ELAVL4: variants seen among roughly 807,000 people sequenced by gnomAD.
ELAVL4 encodes ELAV like RNA binding protein 4, also known as ELAV-like protein 4.
Under a neutral mutation model 35.6 loss-of-function variants are expected in ELAVL4, and 1 was observed. The observed-to-expected ratio is 0.03, with a 90% confidence interval of 0.01 to 0.13. The LOEUF is 0.13. ELAVL4 is among the 10% of genes least tolerant of loss of function. The probability of loss-of-function intolerance (pLI) is 1.00; values close to 1 mark genes in which losing one functional copy is unlikely to be tolerated. For missense variants in ELAVL4, 267 were observed against 464.9 expected (o/e 0.57, Z 3.91); for synonymous variants, 156 against 171.0 (o/e 0.91, Z 0.69).
intron 1 of ELAVL4, among the ~76,000 whole-genome samples, chr1:50,117,408 G>A (rs767519345): frequency 2.0e-5 from 3 of 152,084 alleles, no homozygotes; most frequent in Non-Finnish European, 4.4e-5. Context: ...GGAACATCAC[G>A]GTGTGCCTGT....
At chr1:50,094,509 A>G (rs1359295825) in intron 1 of ELAVL4, among the ~76,000 whole-genome samples, 2 of 152,212 alleles carry the variant, frequency 1.3e-5, no homozygotes, top group Non-Finnish European at 2.9e-5. Flanking sequence ...CAGGATCAAG[A>G]TACCAGCTTT....
At chr1:50,196,805 C>T (rs191439166) in intron 5 of ELAVL4, among the ~76,000 whole-genome samples, 1 of 152,232 alleles carries the variant, frequency 6.6e-6, no homozygotes, top group East Asian at 1.9e-4. Context: ...TTACTACTGC[C>T]CTATGGTGTG....
chr1:50,155,712 A>G (rs1675611225), intron 2 of ELAVL4, among the ~76,000 whole-genome samples: 1 of 152,142 alleles, frequency 6.6e-6, no homozygotes, highest in African/African-American at 2.4e-5. Flanking sequence ...CTGGACATGC[A>G]GGAACTTCAG....
chr1:50,200,208 G>A (rs146873835), intron 6 of ELAVL4, among the ~76,000 whole-genome samples: 4 of 151,998 alleles, frequency 2.6e-5, no homozygotes, highest in Non-Finnish European at 5.9e-5. Flanking sequence ...TCATTGTCAC[G>A]TATCTCCATC....
upstream of ELAVL4, chr1:50,106,493 T>G (rs1572188316): frequency 1.1e-6 from 1 of 896,612 alleles, no homozygotes; most frequent in Admixed American, 2.3e-5. Flanking sequence ...TCTGTGGTGG[T>G]GGATTGTGGC....
intron 1 of ELAVL4, among the ~76,000 whole-genome samples, chr1:50,068,212 G>A (rs1664355818): frequency 6.6e-6 from 1 of 152,150 alleles, no homozygotes; most frequent in Admixed American, 6.6e-5. Context: ...TGTAGAGATA[G>A]GGGTGGCAAA....
chr1:50,090,007 G>A (rs925615624), intron 1 of ELAVL4, among the ~76,000 whole-genome samples: 1 of 152,120 alleles, frequency 6.6e-6, no homozygotes, highest in African/African-American at 2.4e-5. Flanking sequence ...GTCCCAACAT[G>A]TAAAGTATAG....
intron 1 of ELAVL4, among the ~76,000 whole-genome samples, chr1:50,050,138 C>T (rs1024269609): frequency 6.6e-6 from 1 of 152,160 alleles, no homozygotes; most frequent in Admixed American, 6.5e-5. Context: ...CCACTTTTTT[C>T]GCCATAGATA....
chr1:50,187,894 G>A (rs1039977619), intron 3 of ELAVL4, among the ~76,000 whole-genome samples: 2 of 152,146 alleles, frequency 1.3e-5, no homozygotes, highest in African/African-American at 4.8e-5. Flanking sequence ...TCAGGAGTTC[G>A]AGACCAACCT....
At chr1:50,152,145 G>T (rs138582593) in intron 2 of ELAVL4, among the ~76,000 whole-genome samples, 1 of 152,190 alleles carries the variant, frequency 6.6e-6, no homozygotes, top group African/African-American at 2.4e-5. Context: ...TCTGTAGTCA[G>T]GATTACAGAC....
At chr1:50,171,990 C>T (rs1679091057) in intron 2 of ELAVL4, among the ~76,000 whole-genome samples, 1 of 152,232 alleles carries the variant, frequency 6.6e-6, no homozygotes, top group African/African-American at 2.4e-5. Flanking sequence ...CCTTACTCAA[C>T]TCAGAAGTTT....
At chr1:50,117,848 C>T (rs922670258) in intron 1 of ELAVL4, among the ~76,000 whole-genome samples, 9 of 152,076 alleles carry the variant, frequency 5.9e-5, no homozygotes, top group African/African-American at 2.2e-4. Flanking sequence ...AAGGGTGGCA[C>T]ACAGTGTTGT....
intron 3 of ELAVL4, among the ~76,000 whole-genome samples, chr1:50,190,010 T>C (rs1015099975): frequency 1.3e-5 from 2 of 152,198 alleles, no homozygotes; most frequent in African/African-American, 4.8e-5. Context: ...AGATCTTCCA[T>C]AGAGATCATC....
intron 1 of ELAVL4, among the ~76,000 whole-genome samples, chr1:50,066,570 A>T (rs760339482): frequency 2.0e-5 from 3 of 152,204 alleles, no homozygotes; most frequent in Non-Finnish European, 2.9e-5. Context: ...GCACGTCCAG[A>T]TGCATAACCA....
At chr1:50,190,275 A>G (rs1240681543) in intron 3 of ELAVL4, among the ~76,000 whole-genome samples, 6 of 152,220 alleles carry the variant, frequency 3.9e-5, no homozygotes, top group African/African-American at 1.4e-4. Context: ...GGGCATTAAT[A>G]TGCCATCAAT....
intron 1 of ELAVL4, among the ~76,000 whole-genome samples, chr1:50,069,791 G>A (rs932967387): frequency 2.0e-5 from 3 of 152,052 alleles, no homozygotes; most frequent in Non-Finnish European, 4.4e-5. Flanking sequence ...AACCTAGACA[G>A]CCTGACCCCA....
At chr1:50,054,982 C>T (rs2148471224) in intron 1 of ELAVL4, among the ~76,000 whole-genome samples, 1 of 152,364 alleles carries the variant, frequency 6.6e-6, no homozygotes, top group African/African-American at 2.4e-5. Flanking sequence ...GAGGCCACAT[C>T]ACCTATCCAA....
intron 1 of ELAVL4, among the ~76,000 whole-genome samples, chr1:50,086,078 T>G (rs1314590350): frequency 6.6e-6 from 1 of 152,182 alleles, no homozygotes; most frequent in Non-Finnish European, 1.5e-5. Context: ...GATCTTTTTT[T>G]TTGTATCTTT....
At chr1:50,141,494 A>T (rs1301997460) in intron 1 of ELAVL4, among the ~76,000 whole-genome samples, 1 of 152,196 alleles carries the variant, frequency 6.6e-6, no homozygotes, top group Non-Finnish European at 1.5e-5. Flanking sequence ...GAGACAACAC[A>T]GCAAATGGAG....
Sources: allele counts gnomAD v4.1 joint callset (sites outside exome capture counted in the v4.1 genomes callset), GRCh38; gene constraint gnomAD v4.1.1; transcripts MANE v1.5; gene names NCBI Gene and HGNC (gene_info 2026-07-23, HGNC 2026-07-21).